NT5E: variants seen among roughly 807,000 people sequenced by gnomAD.
NT5E encodes the protein 5'-nucleotidase ecto, also known as 5'-nucleotidase.
A neutral mutation model predicts 55.1 loss-of-function variants in NT5E; 53 were observed. The observed-to-expected ratio is 0.96, with a 90% confidence interval of 0.77 to 1.21. The LOEUF is 1.21. Ranked by LOEUF, NT5E falls within the 50% of genes most tolerant of loss-of-function variation. The pLI, the probability that NT5E is intolerant of heterozygous loss-of-function variation, is 0.00. For synonymous variants in NT5E, 270 were observed against 278.4 expected (o/e 0.97, Z 0.30); for missense variants, 683 against 724.3 (o/e 0.94, Z 0.65).
Position 85,459,318 on chromosome 6 carries a change from C to T in NT5E, c.340-7742C>T, listed in dbSNP as rs796930187. ...GGCTTCCTGCAACCTCAGCCCTTAA[C>T]GAATGAGCTAGCGTGTAAGTGACTA... is the stretch of plus-strand genomic sequence containing the variant. On this transcript the variant is annotated intron_variant, in intron 1 of 8. Transcript: ENST00000257770. 7.1e-4 allele frequency among the ~76,000 whole-genome samples: 108 copies of T among 152,320 alleles called. 1 individual carries two copies. The highest frequency in any genetic ancestry group is 2.5e-3 in the African/African-American group (106 of 41,588).
chr6:85,471,713 A>T (rs1024212208), intron 3 of NT5E: 2 of 157,696 alleles, frequency 1.3e-5, no homozygotes, highest in African/African-American at 4.8e-5. Flanking sequence ...CATACATATG[A>T]AAAACAAAAA....
chr6:85,461,554 T>C (rs967884661), intron 1 of NT5E, among the ~76,000 whole-genome samples: 1 of 152,182 alleles, frequency 6.6e-6, no homozygotes, highest in Non-Finnish European at 1.5e-5. Flanking sequence ...TCCAGATATA[T>C]AAAGCTGTGA....
At chr6:85,452,541 G>A (rs1304147237) in intron 1 of NT5E, among the ~76,000 whole-genome samples, 1 of 152,124 alleles carries the variant, frequency 6.6e-6, no homozygotes, top group Non-Finnish European at 1.5e-5. Context: ...TGGGTTCTGA[G>A]GAAAAATAGG....
In NT5E at chr6:85,469,636, C is replaced by T. The variant is rs565326395; in HGVS notation, c.563-1601C>T. Among the ~76,000 whole-genome samples the T allele has an allele frequency of 2.4e-4, 37 of 152,288 alleles. No individual in the cohort carries two copies. The South Asian group carries it at 5.8e-3, about 24-fold the overall frequency. ...TAGCACTGAGGGTCAACGGGGAGCCCTGGGCTTCTTGGGGCAACCAACAGG... is the reference window on the plus strand; with the variant it reads ...TAGCACTGAGGGTCAACGGGGAGCCTTGGGCTTCTTGGGGCAACCAACAGG... On this transcript the variant is annotated intron_variant, in intron 2 of 8. Transcript: ENST00000257770.
chr6:85,471,495 A>G, intron 3 of NT5E, 70 bp downstream of exon 3: 1 of 1,281,094 alleles, frequency 7.8e-7, no homozygotes, highest in Non-Finnish European at 1.1e-6. Context: ...TGCCTTTGTA[A>G]CTGTTATTAC....
chr6:85,488,232 G>A (rs1241839031), intron 5 of NT5E, among the ~76,000 whole-genome samples: 2 of 152,330 alleles, frequency 1.3e-5, no homozygotes, highest in African/African-American at 4.8e-5. Context: ...ACTGAGCCAA[G>A]GTCTCCTATG....
At chr6:85,493,633 C>T (rs1023851055) in intron 8 of NT5E, among the ~76,000 whole-genome samples, 10 of 152,126 alleles carry the variant, frequency 6.6e-5, no homozygotes, top group African/African-American at 2.4e-4. Context: ...CCCCCAATTA[C>T]CCAATATTGA....
rs1768835074 is a variant in NT5E, at chr6:85,450,568, C to T, written c.339+90C>T. On this transcript the variant is annotated intron_variant, in intron 1 of 8. Transcript: ENST00000257770. The surrounding 1 kb of genome is among the most constrained non-coding windows in gnomAD (Gnocchi z 4.0). Reference sequence around the variant, plus strand: ...CAGCGGATGGCAGAGTGTGGCAAGCCTAGGTCCAGGGCGCGGAGAGATGTG... The same window carrying T: ...CAGCGGATGGCAGAGTGTGGCAAGCTTAGGTCCAGGGCGCGGAGAGATGTG... 2.4e-6 allele frequency: 3 copies of T among 1,260,532 alleles called. No individual in the cohort carries two copies. Among genetic ancestry groups the T allele is most frequent in the East Asian group, 2.5e-5 (1 of 39,662 alleles). The allele number at this position is 1,260,532 out of a possible 1,614,324, so 78.1% of individuals were successfully genotyped here.
intron 3 of NT5E, among the ~76,000 whole-genome samples, chr6:85,472,104 C>A (rs886182002): frequency 6.6e-6 from 1 of 152,236 alleles, no homozygotes; most frequent in Non-Finnish European, 1.5e-5. Flanking sequence ...ACTTTTGAAT[C>A]TGGTTCCACC....
chr6:85,460,416 A>G (rs1445256350), intron 1 of NT5E, among the ~76,000 whole-genome samples: 1 of 152,260 alleles, frequency 6.6e-6, no homozygotes, highest in East Asian at 1.9e-4. Context: ...TATAATAATA[A>G]GCATGGAATC....
chr6:85,470,532 C>T (rs141684409), intron 2 of NT5E, among the ~76,000 whole-genome samples: 1 of 152,158 alleles, frequency 6.6e-6, no homozygotes, highest in African/African-American at 2.4e-5. Context: ...CTCATTGCAG[C>T]CTCCGCCTGG....
chr6:85,466,224 G>A (rs924474441), intron 1 of NT5E, among the ~76,000 whole-genome samples: 15 of 152,126 alleles, frequency 9.9e-5, no homozygotes, highest in Admixed American at 6.5e-5. Context: ...ACAATGGGTG[G>A]TTTTGTACCC....
At chr6:85,480,251 T>C (rs1769517809) in intron 3 of NT5E, among the ~76,000 whole-genome samples, 1 of 152,224 alleles carries the variant, frequency 6.6e-6, no homozygotes, top group Non-Finnish European at 1.5e-5. Context: ...CTCTGTATAC[T>C]ACCGGAAGAT....
chr6:85,490,300 A>G (rs1769755443), intron 6 of NT5E, among the ~76,000 whole-genome samples: 3 of 152,230 alleles, frequency 2.0e-5, no homozygotes, highest in Admixed American at 2.0e-4. Context: ...AGCTCCCGCC[A>G]TCTTGCCCAG....
intron 3 of NT5E, among the ~76,000 whole-genome samples, chr6:85,472,419 C>T (rs1769334008): frequency 1.3e-5 from 2 of 152,094 alleles, no homozygotes; most frequent in Admixed American, 1.3e-4. Context: ...GGAGTATTTT[C>T]AAATAATGAA....
chr6:85,467,074 T>A lies in NT5E; in HGVS notation c.354T>A (p.His118Gln), dbSNP rs571818887. The change falls in exon 2 of 9, where the codon CAT (histidine) becomes CAA (glutamine). Residue 118 changes from histidine (H) to glutamine (Q), a missense_variant. Transcript: ENST00000257770. The stretch of plus-strand genomic sequence containing the variant: ...GTTTTATCTAGGCACTGGGAAATCA[T>A]GAATTTGATAATGGTGTGGAAGGAC... ...LRYDAMALGNHEFDNGVEGLI... is the reference protein window; with the variant it reads ...LRYDAMALGNQEFDNGVEGLI... 1 of 1,614,086 alleles carries A rather than the reference T, an allele frequency of 6.2e-7. No homozygotes were observed. Among genetic ancestry groups the A allele is most frequent in the African/African-American group, 1.3e-5 (1 of 75,050 alleles).
rs142302523 is a variant in NT5E at position 85,467,164 on chromosome 6, G to T, written c.444G>T (p.Gly148=). 14 of 1,613,996 alleles carry T rather than the reference G, an allele frequency of 8.7e-6. No individual in the cohort carries two copies. The highest frequency in any genetic ancestry group is 1.1e-5 in the Non-Finnish European group (13 of 1,179,996). Residue 148 remains glycine, a synonymous_variant, in exon 2 of 9, where the codon GGG becomes GGT. Transcript: ENST00000257770. ...PILSANIKAK[G]PLASQISGLY... is the part of the protein sequence containing the mutation. Reference sequence around the variant, plus strand: ...TGAGTGCAAACATTAAAGCAAAGGGGCCACTAGCATCTCAAATATCAGGAC... The same window carrying T: ...TGAGTGCAAACATTAAAGCAAAGGGTCCACTAGCATCTCAAATATCAGGAC...
Position 85,490,641 on chromosome 6 carries a change from G to A in NT5E, c.1344G>A (p.Glu448=). Residue 448 remains glutamate (E), a synonymous_variant, in exon 7 of 9, where the codon GAG becomes GAA. Transcript: ENST00000257770. ...SVHRYGQSTG[E]FLQVGGIHVV... is the part of the protein sequence containing the mutation. Reference sequence around the variant, plus strand: ...ACCGCTACGGCCAGTCCACTGGAGAGTTCCTGCAGGTGGGCGGTAAGTCAC... The same window carrying A: ...ACCGCTACGGCCAGTCCACTGGAGAATTCCTGCAGGTGGGCGGTAAGTCAC... 2 of 1,614,110 alleles carry A rather than the reference G, an allele frequency of 1.2e-6. No individual in the cohort carries two copies. The highest frequency in any genetic ancestry group is 1.1e-5 in the South Asian group (1 of 91,086).
intron 2 of NT5E, among the ~76,000 whole-genome samples, chr6:85,470,721 C>T (rs936254454): frequency 3.9e-5 from 6 of 152,318 alleles, no homozygotes; most frequent in South Asian, 2.1e-4. Flanking sequence ...AGATTACAAG[C>T]GTGAGCCACT....
Sources: gnomAD v4.1 joint callset for allele counts (sites outside exome capture counted in the v4.1 genomes callset) on GRCh38, gnomAD v4.1.1 for gene constraint, Gnocchi (gnomAD v3.1) non-coding constraint, MANE v1.5 for transcripts, NCBI Gene and HGNC (gene_info 2026-07-23, HGNC 2026-07-21) for gene names.